F5: variants seen among roughly 807,000 people sequenced by gnomAD.
The protein encoded by F5 is coagulation factor V, also known as activated protein c cofactor.
A neutral mutation model predicts 216.4 loss-of-function variants in F5; 138 were observed. That is an observed-to-expected ratio of 0.64 (90% confidence interval 0.56 to 0.73). The LOEUF (loss-of-function observed/expected upper bound fraction) is 0.73, where lower values mean the gene tolerates loss of function less well. F5 is among the 30% of genes least tolerant of loss of function. The pLI, the probability that F5 is intolerant of heterozygous loss-of-function variation, is 0.00. For missense variants in F5, 2,403 were observed against 2,674.0 expected (o/e 0.90, Z 2.24); for synonymous variants, 916 against 930.7 (o/e 0.98, Z 0.29).
At chr1:169,550,040 GT>G (rs1402943891) in intron 9 of F5, 25 bp from the exon 10 acceptor site, 1 of 1,576,460 alleles carries the variant, frequency 6.3e-7, no homozygotes, top group East Asian at 2.2e-5. Context: ...ATTCAAAATT[GT>G]TTTCATTTGC....
At chr1:169,555,147 ACCTTTG>A (rs757114655) in intron 7 of F5, 29 bp downstream of exon 7, 20 of 1,613,396 alleles carry the variant, frequency 1.2e-5, no homozygotes, top group Non-Finnish European at 1.7e-5. Context: ...TGTGTCTTGA[ACCTTTG>A]CCCAGTGGTA....
At chr1:169,524,009 G>C in intron 19 of F5, 105 bp from the exon 20 acceptor site, 1 of 940,222 alleles carries the variant, frequency 1.1e-6, no homozygotes, top group Non-Finnish European at 1.7e-6. Context: ...GAGGACCTGT[G>C]TTGTAGTCAG....
chr1:169,524,975 A>C, intron 18 of F5, 67 bp from the exon 19 acceptor site: 1 of 1,213,538 alleles, frequency 8.2e-7, no homozygotes, highest in Non-Finnish European at 1.2e-6. Flanking sequence ...GTAAAACTCC[A>C]TGGTTAGGGA....
At position 169,546,578 on chromosome 1, in the gene F5, G is replaced by T. The variant is rs952054996; in HGVS notation, c.1626C>A (p.Ile542=). ...ACACAGCAAACACAGCCTGCTGTTC[G>T]ATGTCTGCTGCCCTCTGGAGGACAA... is the stretch of plus-strand genomic sequence containing the variant. ...DRRGIQRAAD[I]EQQAVFAVFD... The change falls in exon 11 of 25, where the codon ATC becomes ATA. Residue 542 remains isoleucine, a synonymous_variant. Coordinates refer to ENST00000367797, the MANE Select transcript of F5 (RefSeq NM_000130.5). The T allele has an allele frequency of 6.2e-6, 10 of 1,613,846 alleles. No individual in the cohort carries two copies. The highest frequency in any genetic ancestry group is 1.3e-5 in the African/African-American group (1 of 74,884).
rs759301658 is a variant in F5 at position 169,542,081 on chromosome 1, T to G, written c.3009A>C (p.Arg1003Ser). ...GKQSGHPKFP[R>S]VRHKSLQVRQ... ...TTACTTGTAGAGATTTATGTCTAACTCTAGGAAACTTTGGGTGGCCACTCT... is the reference window on the plus strand; with the variant it reads ...TTACTTGTAGAGATTTATGTCTAACGCTAGGAAACTTTGGGTGGCCACTCT... Residue 1003 changes from arginine to serine, a missense_variant, in exon 13 of 25, where the codon AGA (arginine) becomes AGC (serine). By Grantham distance (110) the Arg-to-Ser change is moderately radical. This residue lies in a region of F5 where 1,425 missense variants were observed against 1,554.8 expected (regional missense o/e 0.92). Transcript: ENST00000367797. 1.9e-6 allele frequency: 3 copies of G among 1,614,142 alleles called. No individual in the cohort carries two copies. In the Admixed American group the frequency reaches 5.0e-5, roughly 27 times the overall value.
intron 2 of F5, among the ~76,000 whole-genome samples, chr1:169,577,125 T>C (rs1042218063): frequency 3.3e-5 from 5 of 152,046 alleles, no homozygotes; most frequent in Admixed American, 1.3e-4. Flanking sequence ...CAAAGCTGGA[T>C]TGGGGAAAGG....
At position 169,540,698 on chromosome 1, in the gene F5, G is replaced by T. The variant is rs1425111411; in HGVS notation, c.4392C>A (p.Phe1464Leu). ...ATGACTGACTAGATTCAGAAGGGTA[G>T]AATATCTGATCAAGGTCTGGAGGAG... ...ISPPPDLDQI[F>L]YPSESSQSLL... Residue 1464 changes from phenylalanine (F) to leucine (L), a missense_variant, in exon 13 of 25, where the codon TTC (phenylalanine) becomes TTA (leucine). Around this residue, in one of 4 missense-constraint regions of F5, gnomAD observed 293 missense variants for 270.8 expected, o/e 1.08. Coordinates refer to ENST00000367797, the MANE Select transcript of F5 (RefSeq NM_000130.5). 6.2e-7 allele frequency: 1 copy of T among 1,613,978 alleles called. No individual in the cohort carries two copies. Among genetic ancestry groups the T allele is most frequent in the African/African-American group, 1.3e-5 (1 of 74,930 alleles).
intron 2 of F5, among the ~76,000 whole-genome samples, chr1:169,577,588 T>C (rs1052262932): frequency 1.1e-4 from 13 of 114,076 alleles, no homozygotes; most frequent in African/African-American, 1.7e-4. Flanking sequence ...TATATATATA[T>C]ATATATATAT....
At chr1:169,536,809 G>A (rs1003647633) in intron 13 of F5, 129 bp from the exon 14 acceptor site, 9 of 686,600 alleles carry the variant, frequency 1.3e-5, no homozygotes, top group Non-Finnish European at 2.2e-5. Context: ...GTGGATAAAT[G>A]AGTAAATATA....
At chr1:169,584,473 T>C (rs942911397) in intron 1 of F5, among the ~76,000 whole-genome samples, 2 of 152,252 alleles carry the variant, frequency 1.3e-5, no homozygotes, top group Non-Finnish European at 2.9e-5. Context: ...ACAAGTTTTC[T>C]AAGGAAATTT....
At chr1:169,565,119 T>C (rs1660569984) in intron 3 of F5, among the ~76,000 whole-genome samples, 1 of 152,018 alleles carries the variant, frequency 6.6e-6, no homozygotes, top group Non-Finnish European at 1.5e-5. Context: ...CTGCCTAGAG[T>C]GCTCTTCCTC....
chr1:169,556,213 C>T (rs12029797), intron 6 of F5, among the ~76,000 whole-genome samples: 1 of 152,126 alleles, frequency 6.6e-6, no homozygotes, highest in East Asian at 1.9e-4. Context: ...ACTTTGTGTT[C>T]ATCCCACTGT....
chr1:169,553,643 G>A (rs11578282), intron 7 of F5, among the ~76,000 whole-genome samples: 1,860 of 152,302 alleles, frequency 0.012, 15 homozygotes, highest in Non-Finnish European at 0.02. Context: ...AATGGCGTGA[G>A]CCTGGGAGGC....
chr1:169,518,683 A>G, intron 22 of F5, 120 bp from the exon 23 acceptor site: 2 of 1,105,954 alleles, frequency 1.8e-6, no homozygotes, highest in East Asian at 2.5e-5. Context: ...AATAACCACA[A>G]CAATGAAGAT....
At chr1:169,562,990 T>C (rs1440604183) in intron 3 of F5, among the ~76,000 whole-genome samples, 2 of 152,066 alleles carry the variant, frequency 1.3e-5, no homozygotes, top group African/African-American at 4.8e-5. Flanking sequence ...TTAACATTTT[T>C]TTCTGCTCTG....
intron 8 of F5, among the ~76,000 whole-genome samples, chr1:169,552,068 A>G (rs757935528): frequency 1.2e-4 from 18 of 152,242 alleles, no homozygotes; most frequent in Non-Finnish European, 2.1e-4. Flanking sequence ...GCTGGTTATA[A>G]GAATTTTATC....
At chr1:169,572,876 C>T (rs747122803) in intron 2 of F5, among the ~76,000 whole-genome samples, 11 of 151,810 alleles carry the variant, frequency 7.2e-5, no homozygotes, top group Non-Finnish European at 1.0e-4. Flanking sequence ...GTGTGTAGAA[C>T]AAGGGAGGCC....
chr1:169,577,833 T>C (rs1201698712), intron 2 of F5, among the ~76,000 whole-genome samples: 1 of 151,794 alleles, frequency 6.6e-6, no homozygotes, highest in Non-Finnish European at 1.5e-5. Context: ...CCTTATTGGA[T>C]GGGCATCTTC....
chr1:169,540,373 G>A lies in F5; in HGVS notation c.4717C>T (p.Arg1573Cys), dbSNP rs1659804250. The change falls in exon 13 of 25, where the codon CGC becomes TGC. Residue 1573 changes from arginine (R) to cysteine (C), a missense_variant. Physicochemically the swap from Arg to Cys is radical, Grantham distance 180. Transcript: ENST00000367797. ...DPDNIAAWYL[R>C]SNNGNRRNYY... ...TTTCTTCTGTTTCCATTGTTGCTGC[G>A]GAGGTACCATGCTGCAATGTTGTCA... The A allele has an allele frequency of 9.3e-6, 15 of 1,613,796 alleles. No individual in the cohort carries two copies. Among genetic ancestry groups the A allele is most frequent in the African/African-American group, 6.7e-5 (5 of 74,884 alleles).
Sources: allele counts gnomAD v4.1 joint callset (sites outside exome capture counted in the v4.1 genomes callset), GRCh38; gene constraint gnomAD v4.1.1; regional missense constraint gnomAD v4.1.1; transcripts MANE v1.5; gene names NCBI Gene and HGNC (gene_info 2026-07-23, HGNC 2026-07-21).